Variants in EIF3E observed in about 807,000 individuals in gnomAD.
The protein encoded by EIF3E is eIF-3 p48.
EIF3E carries 25 observed loss-of-function variants against 59.3 expected under a neutral mutation model. That is an observed-to-expected ratio of 0.42 (90% confidence interval 0.31 to 0.59). The LOEUF is 0.59. Among genes scored for constraint, EIF3E ranks in the 20% least tolerant of loss-of-function variants. EIF3E has a pLI of 0.15. For synonymous variants in EIF3E, 176 were observed against 170.2 expected (o/e 1.03, Z -0.26); for missense variants, 317 against 534.3 (o/e 0.59, Z 4.01).
intron 10 of EIF3E, 50 bp from the exon 11 acceptor site, chr8:108,203,553 T>TA: frequency 2.1e-6 from 3 of 1,442,520 alleles, no homozygotes; most frequent in Non-Finnish European, 2.9e-6. Flanking sequence ...CCTAAAAACT[T>TA]AGTTTTATGT....
At chr8:108,202,068 G>T (rs1465377397) in intron 12 of EIF3E, 145 bp from the exon 13 acceptor site, 1 of 620,882 alleles carries the variant, frequency 1.6e-6, no homozygotes, top group Non-Finnish European at 2.5e-6. Flanking sequence ...GCAATTACTA[G>T]ATGTCAGATG....
At chr8:108,206,681 T>C (rs1343179410) in intron 10 of EIF3E, among the ~76,000 whole-genome samples, 2 of 151,946 alleles carry the variant, frequency 1.3e-5, no homozygotes, top group African/African-American at 2.4e-5. Context: ...CCTGCACCTA[T>C]AGTCCCAGAT....
At chr8:108,241,128 A>G (rs1815827768) in intron 2 of EIF3E, among the ~76,000 whole-genome samples, 1 of 152,212 alleles carries the variant, frequency 6.6e-6, no homozygotes, top group Non-Finnish European at 1.5e-5. Context: ...ATTAGAAAGT[A>G]TATTCTAGAG....
At chr8:108,242,786 CAT>C (rs1443420041) in intron 1 of EIF3E, 1 of 492,974 alleles carries the variant, frequency 2.0e-6, no homozygotes, top group Non-Finnish European at 2.7e-6. Flanking sequence ...CCAACAGACA[CAT>C]GAAAAGGTTC....
intron 10 of EIF3E, among the ~76,000 whole-genome samples, chr8:108,206,645 C>T (rs1162309133): frequency 6.6e-6 from 1 of 151,616 alleles, no homozygotes; most frequent in Non-Finnish European, 1.5e-5. Context: ...CACACACACA[C>T]ATACACACGC....
At position 108,247,563 on chromosome 8, in the gene EIF3E, T is replaced by C. The variant is rs946296295; in HGVS notation, c.90+1050A>G. Among the ~76,000 whole-genome samples, 5 of 152,328 alleles carry C rather than the reference T, an allele frequency of 3.3e-5. No individual in the cohort carries two copies. The South Asian group carries it at 1.0e-3, about 32-fold the overall frequency. The stretch of plus-strand genomic sequence containing the variant: ...TATGTTTAGAAAAGGTGCATATGAA[T>C]ATGAGGATTATACCTGTCTAACGAG... On this transcript the variant is annotated intron_variant, in intron 1 of 12. Transcript: ENST00000220849.
At chr8:108,239,468 C>G (rs1815796440) in intron 3 of EIF3E, among the ~76,000 whole-genome samples, 1 of 152,182 alleles carries the variant, frequency 6.6e-6, no homozygotes, top group Non-Finnish European at 1.5e-5. Context: ...TCCCCAAGTG[C>G]TGAGATTACA....
chr8:108,236,539 T>C (rs1252527568), intron 3 of EIF3E, among the ~76,000 whole-genome samples: 1 of 152,194 alleles, frequency 6.6e-6, no homozygotes, highest in Non-Finnish European at 1.5e-5. Context: ...GTCTACTTAG[T>C]GGTAATCTAC....
At chr8:108,216,789 C>T (rs1016163684) in intron 8 of EIF3E, among the ~76,000 whole-genome samples, 7 of 152,162 alleles carry the variant, frequency 4.6e-5, no homozygotes, top group Non-Finnish European at 8.8e-5. Flanking sequence ...GGTCAATAAA[C>T]AGTAATAAAC....
intron 12 of EIF3E, 59 bp from the exon 13 acceptor site, chr8:108,201,982 A>G: frequency 6.9e-7 from 1 of 1,456,576 alleles, no homozygotes; most frequent in Non-Finnish European, 9.2e-7. Context: ...GAAAAAAACT[A>G]ACATAGAAGA....
At chr8:108,220,290 G>A (rs942993153) in intron 7 of EIF3E, among the ~76,000 whole-genome samples, 4 of 152,186 alleles carry the variant, frequency 2.6e-5, no homozygotes, top group African/African-American at 9.7e-5. Flanking sequence ...ATCTTTTAGC[G>A]TGTCATCACA....
chr8:108,205,564 T>C (rs1418727287), intron 10 of EIF3E, among the ~76,000 whole-genome samples: 4 of 152,176 alleles, frequency 2.6e-5, no homozygotes, highest in African/African-American at 7.2e-5. Context: ...AAATATTAAA[T>C]AGAAAACTCC....
chr8:108,241,084 G>A (rs192870195), intron 2 of EIF3E, among the ~76,000 whole-genome samples: 2 of 152,250 alleles, frequency 1.3e-5, no homozygotes, highest in East Asian at 1.9e-4. Context: ...CAAACATGTG[G>A]ATTATGTTTA....
intron 8 of EIF3E, 93 bp downstream of exon 8, chr8:108,217,241 G>T: frequency 9.9e-7 from 1 of 1,010,660 alleles, no homozygotes; most frequent in East Asian, 2.8e-5. Flanking sequence ...AAAAACGTTT[G>T]TACCTTAAGA....
At chr8:108,226,880 A>T (rs1815525553) in intron 7 of EIF3E, among the ~76,000 whole-genome samples, 1 of 152,228 alleles carries the variant, frequency 6.6e-6, no homozygotes, top group Non-Finnish European at 1.5e-5. Context: ...ATTTTGGAGG[A>T]TATCAGCCAA....
intron 7 of EIF3E, among the ~76,000 whole-genome samples, chr8:108,224,422 G>A (rs1815481074): frequency 6.6e-6 from 1 of 151,292 alleles, no homozygotes; most frequent in Non-Finnish European, 1.5e-5. Flanking sequence ...AATCTCAACA[G>A]TAAATAGCTC....
chr8:108,204,622 A>G lies in EIF3E; in HGVS notation c.1062-1119T>C, dbSNP rs527876211. 1.5e-4 allele frequency among the ~76,000 whole-genome samples: 23 copies of G among 151,894 alleles called. No homozygotes were observed. In the South Asian group the frequency reaches 2.3e-3, roughly 15 times the overall value. ...AAGCCTACTATAAAGAGCATCAGTA[A>G]TAAGTATAATCTCAGGAAAACATAA... On this transcript the variant is annotated intron_variant, in intron 10 of 12. Transcript: ENST00000220849.
chr8:108,242,231 T>C, intron 1 of EIF3E: 1 of 1,300,876 alleles, frequency 7.7e-7, no homozygotes, highest in Non-Finnish European at 1.0e-6. Flanking sequence ...CAAGGCTGTG[T>C]ATAAATAAAA....
intron 5 of EIF3E, among the ~76,000 whole-genome samples, chr8:108,230,167 A>G (rs1271806466): frequency 6.6e-6 from 1 of 152,196 alleles, no homozygotes; most frequent in East Asian, 1.9e-4. Context: ...GCACTTTTAC[A>G]TAATAGTATA....
Sources: allele counts gnomAD v4.1 joint callset (sites outside exome capture counted in the v4.1 genomes callset), GRCh38; gene constraint gnomAD v4.1.1; transcripts MANE v1.5; gene names NCBI Gene and HGNC (gene_info 2026-07-23, HGNC 2026-07-21).